The following TJP2 variants were observed in gnomAD, a reference collection of about 807,000 sequenced individuals.
The protein encoded by TJP2 is Friedreich ataxia region gene X104 (tight junction protein ZO-2).
Under a neutral mutation model 133.1 loss-of-function variants are expected in TJP2, and 91 were observed. The ratio of observed to expected loss-of-function variants is 0.68; its 90% CI spans 0.58 to 0.81. The LOEUF (loss-of-function observed/expected upper bound fraction) is 0.81, where lower values mean the gene tolerates loss of function less well. Ranked by LOEUF, TJP2 falls within the 40% of genes least tolerant of loss-of-function variation. TJP2 has a pLI of 0.00. For synonymous variants in TJP2, 592 were observed against 583.4 expected, an observed-to-expected ratio of 1.01 and a Z score of -0.21; for missense variants, 1,541 against 1,565.6, an observed-to-expected ratio of 0.98 and a Z score of 0.26.
intron 4 of TJP2, among the ~76,000 whole-genome samples, chr9:69,220,538 C>T (rs1828740437): frequency 6.6e-6 from 1 of 152,178 alleles, no homozygotes; most frequent in African/African-American, 2.4e-5. Context: ...GCCTTTGCCC[C>T]CTTGGCAGCT....
chr9:69,204,333 C>T (rs915940878), intron 1 of TJP2, among the ~76,000 whole-genome samples: 9 of 152,206 alleles, frequency 5.9e-5, no homozygotes, highest in African/African-American at 1.9e-4. Flanking sequence ...ATATAACATA[C>T]ACTATGGTAG....
chr9:69,196,944 T>TG (rs1564425583), intron 1 of TJP2, among the ~76,000 whole-genome samples: 3 of 38,196 alleles, frequency 7.9e-5, no homozygotes, highest in African/African-American at 2.2e-4. Flanking sequence ...TGTGTGTGTG[T>TG]GTACACACAC....
rs750625862 is a variant in TJP2 at position 69,221,249 on chromosome 9, G to T, written c.705G>T (p.Arg235=). ...LDHDFGPSRD[R]DRDRSRGRSI... ...ACGACTTTGGGCCATCCCGGGACCG[G>T]GACCGTGACCGCAGCCGCGGCCGGA... Residue 235 remains arginine (R), a synonymous_variant, in exon 5 of 23, where the codon CGG becomes CGT. Transcript: ENST00000377245. The T allele has an allele frequency of 3.0e-5, 48 of 1,607,966 alleles. No homozygotes were observed. In the African/African-American group the frequency reaches 5.8e-4, roughly 19 times the overall value.
intron 1 of TJP2, among the ~76,000 whole-genome samples, chr9:69,191,798 A>G (rs1349283504): frequency 6.6e-6 from 1 of 151,748 alleles, no homozygotes; most frequent in Non-Finnish European, 1.5e-5. Flanking sequence ...GTGCAGTGGC[A>G]TGATCTCAGC....
chr9:69,150,223 T>C (rs1376103511), intron 1 of TJP2, among the ~76,000 whole-genome samples: 4 of 152,212 alleles, frequency 2.6e-5, no homozygotes, highest in Non-Finnish European at 5.9e-5. Flanking sequence ...TAAAATGTTT[T>C]CTCTGTAGTA....
chr9:69,220,472 C>G (rs1371028014), intron 4 of TJP2, among the ~76,000 whole-genome samples: 1 of 152,194 alleles, frequency 6.6e-6, no homozygotes, highest in Non-Finnish European at 1.5e-5. Context: ...AACATTAGGT[C>G]TTATTTCTTC....
chr9:69,189,690 G>A (rs1464587037), intron 1 of TJP2, among the ~76,000 whole-genome samples: 3 of 108,904 alleles, frequency 2.8e-5, no homozygotes, highest in Admixed American at 2.5e-4. Context: ...AAAGAAAAAG[G>A]AAAGTTGATT....
chr9:69,217,243 G>A (rs530066348), intron 3 of TJP2, among the ~76,000 whole-genome samples: 2 of 152,146 alleles, frequency 1.3e-5, no homozygotes, highest in South Asian at 2.1e-4. Context: ...TGCCCACCTC[G>A]GCCTCCCAAA....
rs923201989 is a variant in TJP2, at chr9:69,254,068, C to T, written c.3408-141C>T. The T allele has an allele frequency of 8.2e-6, 8 of 976,460 alleles. 1 individual carries two copies. The highest frequency in any genetic ancestry group is 3.1e-4 in the Middle Eastern group (1 of 3,240). 60.5% of individuals were successfully genotyped at this position (976,460 alleles called of 1,614,324 possible). ...GAACCTGGAGCAGGACCAGGGATGC[C>T]CTGGTTGCTCTGCAGAATGTGGCTC... is the stretch of plus-strand genomic sequence containing the variant. On this transcript the variant is annotated intron_variant, in intron 22 of 22. Coordinates refer to ENST00000377245, the MANE Select transcript of TJP2 (RefSeq NM_004817.4).
intron 5 of TJP2, among the ~76,000 whole-genome samples, chr9:69,222,722 C>T (rs1461982471): frequency 6.6e-6 from 1 of 152,122 alleles, no homozygotes; most frequent in Non-Finnish European, 1.5e-5. Context: ...ATCACCTGGG[C>T]ACCCCTTAGA....
At chr9:69,156,442 G>A (rs1188889122) in intron 2 of TJP2, among the ~76,000 whole-genome samples, 2 of 151,696 alleles carry the variant, frequency 1.3e-5, no homozygotes, top group Non-Finnish European at 2.9e-5. Context: ...AGGTCCTAAC[G>A]ACATGTGCCC....
At chr9:69,143,564 T>C (rs1183193468) in intron 1 of TJP2, among the ~76,000 whole-genome samples, 1 of 152,244 alleles carries the variant, frequency 6.6e-6, no homozygotes, top group Non-Finnish European at 1.5e-5. Flanking sequence ...CTGGTACTAA[T>C]TGTTTGCAGA....
intron 2 of TJP2, among the ~76,000 whole-genome samples, chr9:69,167,406 C>A (rs1043300078): frequency 9.9e-5 from 15 of 152,126 alleles, no homozygotes; most frequent in African/African-American, 3.6e-4. Flanking sequence ...TTTTAAATTT[C>A]TTGGTGCTCT....
upstream of TJP2, among the ~76,000 whole-genome samples, chr9:69,171,789 A>ATTTT (rs34717893): frequency 0.042 from 3,670 of 86,734 alleles, 271 homozygotes; most frequent in Non-Finnish European, 0.049. Flanking sequence ...GAGTAGAAGA[A>ATTTT]TTTTTTTTTT....
chr9:69,200,347 A>T (rs1826896792), intron 1 of TJP2, among the ~76,000 whole-genome samples: 1 of 151,806 alleles, frequency 6.6e-6, no homozygotes, highest in Non-Finnish European at 1.5e-5. Flanking sequence ...ATCCTCAGTT[A>T]ACAACCCGCC....
intron 1 of TJP2, among the ~76,000 whole-genome samples, chr9:69,130,464 C>A (rs116178210): frequency 0.011 from 1,669 of 152,258 alleles, 33 homozygotes; most frequent in African/African-American, 0.038. Flanking sequence ...TGCAGGCCCC[C>A]CTCCTGGAGT....
At chr9:69,166,813 T>C (rs1254491306) in intron 2 of TJP2, among the ~76,000 whole-genome samples, 3 of 152,190 alleles carry the variant, frequency 2.0e-5, no homozygotes, top group Non-Finnish European at 2.9e-5. Context: ...GGCATGGGCC[T>C]GTAGTCCCAG....
intron 1 of TJP2, among the ~76,000 whole-genome samples, chr9:69,209,761 AAAC>A (rs1827724434): frequency 6.6e-6 from 1 of 151,810 alleles, no homozygotes; most frequent in Non-Finnish European, 1.5e-5. Context: ...CAAAAAAAAA[AAAC>A]AAAAAAACTT....
intron 2 of TJP2, among the ~76,000 whole-genome samples, chr9:69,215,371 G>A (rs903204230): frequency 6.7e-6 from 1 of 148,788 alleles, no homozygotes; most frequent in African/African-American, 2.5e-5. Context: ...GTCTTTTCCC[G>A]CCCAGCTAGA....
Sources: allele counts gnomAD v4.1 joint callset (sites outside exome capture counted in the v4.1 genomes callset), GRCh38; gene constraint gnomAD v4.1.1; transcripts MANE v1.5; gene names NCBI Gene and HGNC (gene_info 2026-07-23, HGNC 2026-07-21).